Variants in ATF3 observed in about 807,000 individuals in gnomAD.
ATF3 encodes activating transcription factor 3.
A neutral mutation model predicts 18.4 loss-of-function variants in ATF3; 10 were observed. That is an observed-to-expected ratio of 0.54 (90% CI 0.34 to 0.92). ATF3 has a LOEUF of 0.92. Ranked by LOEUF, ATF3 falls within the 40% of genes least tolerant of loss-of-function variation. The pLI is 0.02. For missense variants in ATF3, 183 were observed against 222.3 expected, an observed-to-expected ratio of 0.82 and a Z score of 1.12; for synonymous variants, 78 against 87.9, an observed-to-expected ratio of 0.89 and a Z score of 0.63.
At chr1:212,587,300 G>A (rs1664797909) in intron 1 of ATF3, among the ~76,000 whole-genome samples, 1 of 152,214 alleles carries the variant, frequency 6.6e-6, no homozygotes, top group African/African-American at 2.4e-5. Flanking sequence ...TTGTACCTAT[G>A]AGTTTTTATC....
chr1:212,571,686 A>G (rs1241132194), intron 1 of ATF3, among the ~76,000 whole-genome samples: 1 of 148,972 alleles, frequency 6.7e-6, no homozygotes, highest in Admixed American at 6.7e-5. Flanking sequence ...CTGGGATTAC[A>G]GACGTGAACC....
intron 1 of ATF3, among the ~76,000 whole-genome samples, chr1:212,585,840 G>C (rs1664770095): frequency 6.6e-6 from 1 of 151,860 alleles, no homozygotes; most frequent in Non-Finnish European, 1.5e-5. Context: ...TTTTGCCCTG[G>C]TGCCAAGAGA....
chr1:212,566,364 C>T (rs1218692412), intron 1 of ATF3, among the ~76,000 whole-genome samples: 1 of 152,104 alleles, frequency 6.6e-6, no homozygotes, highest in African/African-American at 2.4e-5. Flanking sequence ...ATTTGCTGTG[C>T]GACCTTGGAC....
chr1:212,591,012 T>C (rs1315817401), intron 1 of ATF3, among the ~76,000 whole-genome samples: 3 of 152,208 alleles, frequency 2.0e-5, no homozygotes, highest in Admixed American at 6.5e-5. Context: ...ATACAATTCA[T>C]AGCAATACAC....
intron 1 of ATF3, among the ~76,000 whole-genome samples, chr1:212,567,116 C>A (rs559722241): frequency 1.3e-5 from 2 of 152,248 alleles, no homozygotes; most frequent in African/African-American, 4.8e-5. Context: ...AATTTCTCTT[C>A]CCGCCCACAG....
chr1:212,606,109 G>C (rs1488842031), upstream of ATF3, among the ~76,000 whole-genome samples: 1 of 152,186 alleles, frequency 6.6e-6, no homozygotes, highest in Non-Finnish European at 1.5e-5. Context: ...CTCAGATGTT[G>C]ATCACTCTCC....
chr1:212,571,086 T>C (rs745538239), intron 1 of ATF3, among the ~76,000 whole-genome samples: 2 of 152,238 alleles, frequency 1.3e-5, no homozygotes, highest in African/African-American at 4.8e-5. Flanking sequence ...CCACCAACAA[T>C]GCATGAGAAT....
At chr1:212,591,693 A>G (rs1376665811) in intron 1 of ATF3, among the ~76,000 whole-genome samples, 1 of 152,234 alleles carries the variant, frequency 6.6e-6, no homozygotes, top group Non-Finnish European at 1.5e-5. Context: ...AAACGTACAC[A>G]TATAAATCCT....
intron 1 of ATF3, among the ~76,000 whole-genome samples, chr1:212,590,750 A>G (rs1018281244): frequency 6.6e-6 from 1 of 152,234 alleles, no homozygotes; most frequent in Non-Finnish European, 1.5e-5. Context: ...CCCAGGCACC[A>G]CTTTGAATGG....
chr1:212,583,955 T>C (rs1021696159), intron 1 of ATF3, among the ~76,000 whole-genome samples: 2 of 152,138 alleles, frequency 1.3e-5, no homozygotes, highest in South Asian at 2.1e-4. Flanking sequence ...CTCCCACAGA[T>C]ACAGTGATGA....
chr1:212,588,492 G>A (rs1664820501), intron 1 of ATF3, among the ~76,000 whole-genome samples: 1 of 151,918 alleles, frequency 6.6e-6, no homozygotes, highest in Non-Finnish European at 1.5e-5. Context: ...ATCAGATTGG[G>A]GCAGCAGTAA....
rs1655264748 is a variant in ATF3 at position 212,619,250 on chromosome 1, G to A, written c.349-108G>A. On this transcript the variant is annotated intron_variant, in intron 3 of 3. Coordinates refer to ENST00000341491, the MANE Select transcript of ATF3 (RefSeq NM_001674.4). The surrounding 1 kb of genome is among the most constrained non-coding windows in gnomAD (Gnocchi z 4.4). ...CCATCTTCCTCTCGCAGCTTGATGAGCCCCGGTGTGTCCCAGGTACACCCC... is the reference window on the plus strand; with the variant it reads ...CCATCTTCCTCTCGCAGCTTGATGAACCCCGGTGTGTCCCAGGTACACCCC... The A allele has an allele frequency of 1.2e-6, 2 of 1,610,622 alleles. No individual in the cohort carries two copies. Among genetic ancestry groups the A allele is most frequent in the Non-Finnish European group, 8.5e-7 (1 of 1,179,448 alleles).
chr1:212,616,057 G>A (rs9429888), intron 2 of ATF3, among the ~76,000 whole-genome samples: 20,666 of 151,788 alleles, frequency 0.14, 1,659 homozygotes, highest in Non-Finnish European at 0.18. Context: ...GAGGGAAGAA[G>A]CCACGTGGGT....
chr1:212,589,800 A>C (rs1046750589), intron 1 of ATF3, among the ~76,000 whole-genome samples: 2 of 120,858 alleles, frequency 1.7e-5, no homozygotes, highest in Middle Eastern at 4.4e-3. Flanking sequence ...ACTCTTGGTC[A>C]ACTTTTTTTT....
chr1:212,618,691 T>C lies in ATF3; in HGVS notation c.348+457T>C, dbSNP rs1655238437. ...TTGCTTTGCATTCTTGTCTGGTTCCTAACTCTAGAGCCCTTCTCCCTGGCT... is the reference window on the plus strand; with the variant it reads ...TTGCTTTGCATTCTTGTCTGGTTCCCAACTCTAGAGCCCTTCTCCCTGGCT... On this transcript the variant is annotated intron_variant, in intron 3 of 3. Coordinates refer to ENST00000341491, the MANE Select transcript of ATF3 (RefSeq NM_001674.4). This position sits in a 1 kb window ranked among gnomAD's most constrained non-coding sequence, Gnocchi z 4.4. 2 of 437,934 alleles carry C rather than the reference T, an allele frequency of 4.6e-6. No individual in the cohort carries two copies. The highest frequency in any genetic ancestry group is 8.4e-6 in the Non-Finnish European group (2 of 237,720). 27.1% of individuals were successfully genotyped at this position (437,934 alleles called of 1,614,324 possible). A position where few individuals can be genotyped will look rare whatever the true frequency, so the allele number is the denominator to read the frequency against.
chr1:212,614,133 G>A (rs2102656446), intron 1 of ATF3: 1 of 152,270 alleles, frequency 6.6e-6, no homozygotes, highest in East Asian at 1.9e-4. Context: ...TGGAGGAGCT[G>A]TCAGTCATTT....
Position 212,619,716 on chromosome 1 carries a change from C to G in ATF3, c.*161C>G. ...GCCTGCAGTGATTCAGCAGGCCCTT[C>G]CCATTCTGCCCCAGAGTGGGTCTTG... is the stretch of plus-strand genomic sequence containing the variant. On this transcript the variant is annotated 3_prime_UTR_variant, in exon 4 of 4. Transcript: ENST00000341491. The surrounding 1 kb of genome is among the most constrained non-coding windows in gnomAD (Gnocchi z 4.4). The G allele has an allele frequency of 1.1e-6, 1 of 930,808 alleles. No individual in the cohort carries two copies. The highest frequency in any genetic ancestry group is 1.6e-6 in the Non-Finnish European group (1 of 630,140). 57.7% of individuals were successfully genotyped at this position (930,808 alleles called of 1,614,324 possible).
At chr1:212,614,540 A>G (rs768599632) in intron 1 of ATF3, among the ~76,000 whole-genome samples, 1 of 151,432 alleles carries the variant, frequency 6.6e-6, no homozygotes, top group African/African-American at 2.4e-5. Flanking sequence ...GCCTCTTTGA[A>G]AAAGAGGCTT....
chr1:212,587,853 A>G (rs1664807612), intron 1 of ATF3, among the ~76,000 whole-genome samples: 2 of 151,462 alleles, frequency 1.3e-5, no homozygotes, highest in African/African-American at 4.9e-5. Flanking sequence ...AGCAGACAAG[A>G]GATGTCAACA....
Sources: gnomAD v4.1 joint callset for allele counts (sites outside exome capture counted in the v4.1 genomes callset) on GRCh38, gnomAD v4.1.1 for gene constraint, Gnocchi (gnomAD v3.1) non-coding constraint, MANE v1.5 for transcripts, NCBI Gene and HGNC (gene_info 2026-07-23, HGNC 2026-07-21) for gene names.